Variants in PTPRD observed in about 807,000 individuals in gnomAD.
PTPRD encodes receptor-type tyrosine-protein phosphatase delta.
Under a neutral mutation model 214.5 loss-of-function variants are expected in PTPRD, and 34 were observed. The observed-to-expected ratio is 0.16, with a 90% CI of 0.12 to 0.21. The LOEUF is 0.21. Ranked by LOEUF, PTPRD falls within the 10% of genes least tolerant of loss-of-function variation. The pLI, the probability that PTPRD is intolerant of heterozygous loss-of-function variation, is 1.00. For missense variants in PTPRD, 2,545 were observed against 2,398.7 expected (o/e 1.06, Z -1.27); for synonymous variants, 1,128 against 845.7 (o/e 1.33, Z -5.79).
intron 2 of PTPRD, among the ~76,000 whole-genome samples, chr9:10,594,984 C>A (rs1283770425): frequency 6.6e-6 from 1 of 150,574 alleles, no homozygotes; most frequent in African/African-American, 2.4e-5. Flanking sequence ...AGACATTTTC[C>A]CCCCAAAGCT....
intron 5 of PTPRD, among the ~76,000 whole-genome samples, chr9:9,912,375 G>A (rs1004695409): frequency 1.3e-5 from 2 of 152,136 alleles, no homozygotes; most frequent in Non-Finnish European, 2.9e-5. Flanking sequence ...TGAGGTAGCA[G>A]TCTCCCTTGT....
chr9:9,749,629 G>A (rs934728322), intron 6 of PTPRD, among the ~76,000 whole-genome samples: 1 of 152,052 alleles, frequency 6.6e-6, no homozygotes, highest in Non-Finnish European at 1.5e-5. Flanking sequence ...ACACACCACA[G>A]GGTCAGTAAA....
At chr9:9,623,892 C>G (rs906663285) in intron 7 of PTPRD, among the ~76,000 whole-genome samples, 1 of 151,954 alleles carries the variant, frequency 6.6e-6, no homozygotes, top group Non-Finnish European at 1.5e-5. Context: ...TTAGATTGCC[C>G]AAAACTAAAA....
rs950812134 is a variant in PTPRD, at chr9:8,465,380, T to A, written c.3714+86A>T. 5.7e-6 allele frequency: 7 copies of A among 1,226,406 alleles called. No individual in the cohort carries two copies. In the Admixed American group the frequency reaches 1.1e-4, roughly 19 times the overall value. 76.0% of individuals were successfully genotyped at this position (1,226,406 alleles called of 1,614,324 possible). On this transcript the variant is annotated intron_variant, in intron 32 of 45. Transcript: ENST00000381196. ...GTTCATGAGAAATAATGAGGATGGA[T>A]ATACCCACAAATCCCCAAATAACCA... is the stretch of plus-strand genomic sequence containing the variant.
intron 11 of PTPRD, among the ~76,000 whole-genome samples, chr9:8,752,041 C>T (rs966485756): frequency 3.9e-5 from 6 of 152,152 alleles, no homozygotes; most frequent in African/African-American, 7.2e-5. Context: ...TCTGCATGGT[C>T]CCTTCCACTT....
At chr9:9,356,978 G>A (rs1302154664) in intron 9 of PTPRD, among the ~76,000 whole-genome samples, 1 of 151,288 alleles carries the variant, frequency 6.6e-6, no homozygotes, top group Non-Finnish European at 1.5e-5. Flanking sequence ...CAAGCAACCG[G>A]GTATAAAGCA....
chr9:9,485,611 A>T, intron 8 of PTPRD, among the ~76,000 whole-genome samples: 1 of 152,186 alleles, frequency 6.6e-6, no homozygotes, highest in East Asian at 1.9e-4. Flanking sequence ...TACGTGATCA[A>T]ATAAGATCTG....
chr9:8,916,182 G>C (rs1372957712), intron 11 of PTPRD, among the ~76,000 whole-genome samples: 1 of 152,102 alleles, frequency 6.6e-6, no homozygotes, highest in Non-Finnish European at 1.5e-5. Context: ...GTTTGGTTTA[G>C]AAAGAATAAT....
intron 8 of PTPRD, among the ~76,000 whole-genome samples, chr9:9,537,268 G>A (rs1258427588): frequency 6.6e-6 from 1 of 151,906 alleles, no homozygotes; most frequent in Non-Finnish European, 1.5e-5. Context: ...AAAAAACGAA[G>A]TTTTAACGAA....
chr9:10,452,472 C>G (rs1445213921), intron 2 of PTPRD, among the ~76,000 whole-genome samples: 1 of 151,762 alleles, frequency 6.6e-6, no homozygotes, highest in Non-Finnish European at 1.5e-5. Flanking sequence ...TCTCCACACT[C>G]TCACCAAAAC....
chr9:9,636,687 C>A (rs139069063), intron 7 of PTPRD, among the ~76,000 whole-genome samples: 30 of 152,214 alleles, frequency 2.0e-4, no homozygotes, highest in Admixed American at 7.2e-4. Flanking sequence ...TTGTGGATGA[C>A]CCAACAACAA....
intron 14 of PTPRD, among the ~76,000 whole-genome samples, chr9:8,601,738 A>C (rs1186639214): frequency 6.6e-6 from 1 of 152,240 alleles, no homozygotes; most frequent in Non-Finnish European, 1.5e-5. Flanking sequence ...CAGTGTTGTC[A>C]CAGAGTAAAT....
intron 2 of PTPRD, among the ~76,000 whole-genome samples, chr9:10,474,476 C>G (rs1048772625): frequency 6.6e-6 from 1 of 152,006 alleles, no homozygotes; most frequent in African/African-American, 2.4e-5. Context: ...ACAGGAGCAC[C>G]CAGATTCATA....
chr9:9,388,267 G>C (rs547249259), intron 9 of PTPRD, among the ~76,000 whole-genome samples: 71 of 152,162 alleles, frequency 4.7e-4, no homozygotes, highest in African/African-American at 1.7e-3. Context: ...AGGCCAGGGT[G>C]GTCTTTGAAA....
At chr9:8,720,716 T>C (rs2098484369) in intron 12 of PTPRD, among the ~76,000 whole-genome samples, 1 of 152,110 alleles carries the variant, frequency 6.6e-6, no homozygotes, top group Admixed American at 6.5e-5. Context: ...TAGAAGCCAT[T>C]CTAAAAGCCA....
At chr9:10,414,143 G>C (rs918577064) in intron 2 of PTPRD, among the ~76,000 whole-genome samples, 1 of 151,894 alleles carries the variant, frequency 6.6e-6, no homozygotes. Context: ...CACAGCGAAA[G>C]CAACTATCAG....
chr9:10,382,850 A>T (rs774428505), intron 2 of PTPRD, among the ~76,000 whole-genome samples: 5 of 151,840 alleles, frequency 3.3e-5, no homozygotes, highest in Non-Finnish European at 5.9e-5. Context: ...CTATTTTTAA[A>T]TTTTTTATAT....
chr9:10,384,251 T>C (rs2097872717), intron 2 of PTPRD, among the ~76,000 whole-genome samples: 1 of 151,778 alleles, frequency 6.6e-6, no homozygotes, highest in Non-Finnish European at 1.5e-5. Flanking sequence ...GTGAACAGTA[T>C]GCATTACATG....
chr9:10,289,152 G>A (rs2095455078), intron 3 of PTPRD, among the ~76,000 whole-genome samples: 1 of 151,980 alleles, frequency 6.6e-6, no homozygotes, highest in Non-Finnish European at 1.5e-5. Context: ...AAGTTGAAAG[G>A]CTCTAGAAAT....
Sources: allele counts gnomAD v4.1 joint callset (sites outside exome capture counted in the v4.1 genomes callset), GRCh38; gene constraint gnomAD v4.1.1; transcripts MANE v1.5; gene names NCBI Gene and HGNC (gene_info 2026-07-23, HGNC 2026-07-21).